GABRB1: variants seen among roughly 807,000 people sequenced by gnomAD.
GABRB1 encodes the protein gamma-aminobutyric acid type A receptor subunit beta1, also known as gamma-aminobutyric acid receptor subunit beta-1.
In GABRB1, 17 loss-of-function variants were observed where a neutral mutation model predicts 51.6. The observed-to-expected ratio is 0.33, with a 90% CI of 0.23 to 0.49. The LOEUF (loss-of-function observed/expected upper bound fraction) is 0.49. Among genes scored for constraint, GABRB1 ranks in the 20% least tolerant of loss-of-function variants. The pLI, the probability that GABRB1 is intolerant of heterozygous loss-of-function variation, is 0.99. For synonymous variants in GABRB1, 247 were observed against 218.9 expected, an observed-to-expected ratio of 1.13 and a Z score of -1.14; for missense variants, 410 against 600.6, an observed-to-expected ratio of 0.68 and a Z score of 3.32.
At chr4:47,021,154 T>A (rs1724919235) in intron 1 of GABRB1, among the ~76,000 whole-genome samples, 1 of 152,178 alleles carries the variant, frequency 6.6e-6, no homozygotes, top group Non-Finnish European at 1.5e-5. Context: ...AATTTTTCTC[T>A]CCTATCACTA....
chr4:47,309,131 T>C (rs549501289), intron 4 of GABRB1, among the ~76,000 whole-genome samples: 4 of 152,270 alleles, frequency 2.6e-5, no homozygotes, highest in African/African-American at 7.2e-5. Flanking sequence ...TGTATAATGA[T>C]ACAATTTAGG....
rs567227300 is a variant in GABRB1 at position 47,079,998 on chromosome 4, TA to T, written c.240+47523del. ...ATGTACCCTAAAACTTAAAGAATAA[TA>T]AAAAAAAAGAAATATAAAAAAAACT... On this transcript the variant is annotated intron_variant, in intron 3 of 8. Transcript: ENST00000295454. Among the ~76,000 whole-genome samples, 463 of 150,516 alleles carry T rather than the reference TA, an allele frequency of 3.1e-3. 2 individuals are homozygous for T. The highest frequency in any genetic ancestry group is 9.3e-3 in the African/African-American group (382 of 40,958).
At chr4:47,155,744 T>A (rs1296659593) in intron 3 of GABRB1, among the ~76,000 whole-genome samples, 1 of 151,724 alleles carries the variant, frequency 6.6e-6, no homozygotes, top group Admixed American at 6.6e-5. Flanking sequence ...ATAAAATGAT[T>A]TCTTATGGTA....
At chr4:47,396,964 A>C (rs1728197644) in intron 5 of GABRB1, among the ~76,000 whole-genome samples, 1 of 152,118 alleles carries the variant, frequency 6.6e-6, no homozygotes, top group South Asian at 2.1e-4. Context: ...CTCTCTGTTC[A>C]TATCCTTTTA....
intron 4 of GABRB1, among the ~76,000 whole-genome samples, chr4:47,167,915 T>C (rs1003111521): frequency 6.6e-6 from 1 of 152,150 alleles, no homozygotes; most frequent in African/African-American, 2.4e-5. Context: ...TTATTATAAA[T>C]TACCCAGTTC....
intron 4 of GABRB1, among the ~76,000 whole-genome samples, chr4:47,203,394 T>A (rs1222451956): frequency 2.5e-5 from 1 of 40,678 alleles, no homozygotes. Context: ...ATATGACTTA[T>A]CAGAGGAGAG....
At chr4:47,050,890 G>A (rs925269980) in intron 3 of GABRB1, among the ~76,000 whole-genome samples, 57 of 151,920 alleles carry the variant, frequency 3.8e-4, no homozygotes, top group African/African-American at 1.3e-3. Context: ...ACTAGTAATG[G>A]AGGCTCATCT....
rs1438741436 is a variant in GABRB1 at position 47,032,127 on chromosome 4, GGCACACAC to G, written c.172+123_172+130del. The G allele has an allele frequency of 3.1e-4, 181 of 580,484 alleles. 1 individual carries two copies. Among genetic ancestry groups the G allele is most frequent in the Non-Finnish European group, 4.5e-4 (152 of 334,200 alleles). 36.0% of individuals were successfully genotyped at this position (580,484 alleles called of 1,614,324 possible). A position where few individuals can be genotyped will look rare whatever the true frequency, so the allele number is the denominator to read the frequency against. On this transcript the variant is annotated intron_variant, in intron 2 of 8. Coordinates refer to ENST00000295454, the MANE Select transcript of GABRB1 (RefSeq NM_000812.4). ...TTTCGTAAGCGTGCACTATACCCTGGGCACACACACACACACACACACACACACACACA... is the reference window on the plus strand; with the variant it reads ...TTTCGTAAGCGTGCACTATACCCTGGACACACACACACACACACACACACA...
At chr4:47,410,999 T>G (rs778550130) in intron 8 of GABRB1, among the ~76,000 whole-genome samples, 2 of 152,176 alleles carry the variant, frequency 1.3e-5, no homozygotes, top group Non-Finnish European at 2.9e-5. Flanking sequence ...AACTCAACAT[T>G]CTTTGGGGAA....
At chr4:47,350,596 C>T (rs1726292578) in intron 5 of GABRB1, among the ~76,000 whole-genome samples, 1 of 151,748 alleles carries the variant, frequency 6.6e-6, no homozygotes, top group Admixed American at 6.6e-5. Flanking sequence ...GCCTTACTTA[C>T]ATAATTATAT....
chr4:47,257,524 C>T (rs1722260586), intron 4 of GABRB1, among the ~76,000 whole-genome samples: 6 of 151,926 alleles, frequency 3.9e-5, no homozygotes, highest in Admixed American at 3.3e-4. Context: ...AAGGCACAAG[C>T]TCCTAGAGCC....
At chr4:47,334,052 T>G (rs1177185677) in intron 5 of GABRB1, among the ~76,000 whole-genome samples, 1 of 152,138 alleles carries the variant, frequency 6.6e-6, no homozygotes, top group Non-Finnish European at 1.5e-5. Flanking sequence ...ACACAACATG[T>G]GTGAGATGCA....
intron 3 of GABRB1, among the ~76,000 whole-genome samples, chr4:47,097,947 A>C (rs1714528799): frequency 6.6e-6 from 1 of 152,182 alleles, no homozygotes; most frequent in Non-Finnish European, 1.5e-5. Flanking sequence ...ATCAGTTTAC[A>C]AGTATCTGTG....
chr4:47,216,213 G>T (rs1344573120), intron 4 of GABRB1, among the ~76,000 whole-genome samples: 1 of 151,886 alleles, frequency 6.6e-6, no homozygotes, highest in East Asian at 1.9e-4. Context: ...CCCCTTCAGT[G>T]CATTCAGTTT....
chr4:47,154,002 A>G (rs918923317), intron 3 of GABRB1, among the ~76,000 whole-genome samples: 11 of 152,062 alleles, frequency 7.2e-5, no homozygotes, highest in African/African-American at 2.7e-4. Flanking sequence ...CACAACAAAC[A>G]CATATTAATA....
At chr4:47,313,167 G>A (rs1423178273) in intron 4 of GABRB1, among the ~76,000 whole-genome samples, 1 of 152,110 alleles carries the variant, frequency 6.6e-6, no homozygotes, top group Admixed American at 6.6e-5. Context: ...CATTCTAAAT[G>A]TCTTTGAAAG....
intron 3 of GABRB1, among the ~76,000 whole-genome samples, chr4:47,069,288 A>G (rs894390787): frequency 6.6e-6 from 1 of 152,086 alleles, no homozygotes; most frequent in African/African-American, 2.4e-5. Flanking sequence ...ATATTCCTCA[A>G]ATCTGTCCTA....
intron 4 of GABRB1, among the ~76,000 whole-genome samples, chr4:47,225,563 T>C (rs1442635890): frequency 6.6e-6 from 1 of 152,142 alleles, no homozygotes; most frequent in African/African-American, 2.4e-5. Context: ...GCTAGGAAGG[T>C]AAGTAAATTG....
chr4:47,337,949 T>C (rs1725760534), intron 5 of GABRB1, among the ~76,000 whole-genome samples: 2 of 151,362 alleles, frequency 1.3e-5, no homozygotes, highest in Non-Finnish European at 2.9e-5. Context: ...TACAGGGCAA[T>C]CAGCTATTTG....
Sources: allele counts gnomAD v4.1 joint callset (sites outside exome capture counted in the v4.1 genomes callset), GRCh38; gene constraint gnomAD v4.1.1; transcripts MANE v1.5; gene names NCBI Gene and HGNC (gene_info 2026-07-23, HGNC 2026-07-21).